Variants in TTN observed in about 807,000 individuals in gnomAD.
TTN encodes the protein connectin.
In TTN, 1,525 loss-of-function variants were observed where a neutral mutation model predicts 3,223.0. That is an observed-to-expected ratio of 0.47 (90% CI 0.45 to 0.49). The LOEUF (loss-of-function observed/expected upper bound fraction) is 0.49. Among genes scored for constraint, TTN ranks in the 20% least tolerant of loss-of-function variants. The pLI is 0.00. For synonymous variants in TTN, 14,094 were observed against 15,161.0 expected (o/e 0.93, Z 5.17); for missense variants, 40,786 against 43,424.0 (o/e 0.94, Z 5.40).
In TTN at chr2:178,731,758, T is replaced by C. The variant is rs1176874608; in HGVS notation, c.17117A>G (p.Glu5706Gly). 6.2e-7 allele frequency: 1 copy of C among 1,613,784 alleles called. No individual in the cohort carries two copies. The highest frequency in any genetic ancestry group is 1.1e-5 in the South Asian group (1 of 91,068). ...CTCATTGGTCACCCGACACTGGTATTCGCCAGCATCTGCAGCTACAAACTT... is the reference window on the plus strand; with the variant it reads ...CTCATTGGTCACCCGACACTGGTATCCGCCAGCATCTGCAGCTACAAACTT... ...ILKFVAADAG[E>G]YQCRVTNEVG... The change falls in exon 58 of 363, where the codon GAA becomes GGA. Residue 5706 changes from glutamate (E) to glycine (G), a missense_variant. By Grantham distance (98) the Glu-to-Gly change is moderately conservative. Coordinates refer to ENST00000589042, the MANE Select transcript of TTN (RefSeq NM_001267550.2).
intron 237 of TTN, 33 bp downstream of exon 237, chr2:178,631,001 C>T: frequency 6.2e-7 from 1 of 1,612,376 alleles, no homozygotes; most frequent in Non-Finnish European, 8.5e-7. Context: ...AACCCCAATG[C>T]TTCAAGAGTG....
Position 178,558,181 on chromosome 2 carries a change from G to A in TTN, c.87173C>T (p.Ala29058Val), listed in dbSNP as rs768069933. Residue 29058 changes from alanine to valine, a missense_variant, in exon 328 of 363, where the codon GCT becomes GTT. By Grantham distance (64) the Ala-to-Val change is moderately conservative (BLOSUM62 0). Transcript: ENST00000589042. ...NFPSHTVYVR[A>V]GSNLKVDIPI... is the part of the protein sequence containing the mutation. ...AATGTCAACTTTAAGGTTTGAACCA[G>A]CTCTAACATATACAGTGTGACTTGG... 2 of 1,613,682 alleles carry A rather than the reference G, an allele frequency of 1.2e-6. No homozygotes were observed. Among genetic ancestry groups the A allele is most frequent in the East Asian group, 2.2e-5 (1 of 44,836 alleles).
In TTN at chr2:178,567,128, G is replaced by C; in HGVS notation, c.79004C>G (p.Thr26335Ser). The C allele has an allele frequency of 1.2e-6, 2 of 1,613,536 alleles. No individual in the cohort carries two copies. Among genetic ancestry groups the C allele is most frequent in the South Asian group, 2.2e-5 (2 of 91,076 alleles). The change falls in exon 326 of 363, where the codon ACT (threonine) becomes AGT (serine). Residue 26335 changes from threonine to serine, a missense_variant. By Grantham distance (58) the Thr-to-Ser change is moderately conservative (BLOSUM62 1). Transcript: ENST00000589042. ...EKRETSRLAW[T>S]VVASEVVTNS... The stretch of plus-strand genomic sequence containing the variant: ...GGTCACAACTTCTGAAGCAACAACA[G>C]TCCAGGCAAGTCGACTGGTTTCTCG...
intron 47 of TTN, chr2:178,749,165 T>C (rs1367535780): frequency 6.2e-7 from 1 of 1,611,956 alleles, no homozygotes; most frequent in South Asian, 1.1e-5. Flanking sequence ...TTGGGCACAT[T>C]CTTGTACATT....
intron 1 of TTN, among the ~76,000 whole-genome samples, chr2:178,806,418 T>C (rs1422067012): frequency 1.3e-5 from 2 of 152,342 alleles, no homozygotes; most frequent in Non-Finnish European, 2.9e-5. Flanking sequence ...GTAAGAAACC[T>C]TTCCTTTAAA....
Position 178,552,549 on chromosome 2 carries a change from A to G in TTN, c.90351T>C (p.Ile30117=). ...TAAGTTCTTTCACTGTAATTGGCCC[A>G]ATAGTGACAGGATCACTCAGTCCTT... is the stretch of plus-strand genomic sequence containing the variant. The part of the protein sequence containing the change: ...NEKGLSDPVT[I]GPITVKELII... Residue 30117 remains isoleucine (I), a synonymous_variant, in exon 335 of 363, where the codon ATT becomes ATC. Coordinates refer to ENST00000589042, the MANE Select transcript of TTN (RefSeq NM_001267550.2). The G allele has an allele frequency of 1.2e-6, 2 of 1,613,850 alleles. No individual in the cohort carries two copies. The highest frequency in any genetic ancestry group is 1.7e-6 in the Non-Finnish European group (2 of 1,179,824).
intron 40 of TTN, 55 bp from the exon 41 acceptor site, chr2:178,766,667 G>T: frequency 7.2e-7 from 1 of 1,397,610 alleles, no homozygotes; most frequent in Non-Finnish European, 1.0e-6. Flanking sequence ...TTGAAGCTCT[G>T]GTTTCCTCCC....
intron 136 of TTN, 78 bp from the exon 137 acceptor site, chr2:178,681,528 A>C (rs1408227496): frequency 6.8e-7 from 1 of 1,475,758 alleles, no homozygotes; most frequent in Non-Finnish European, 9.2e-7. Context: ...AAGTTAAGAA[A>C]GACAAATACA....
rs567561028 is a variant in TTN at position 178,572,173 on chromosome 2, C to T, written c.73959G>A (p.Val24653=). 1 of 1,613,436 alleles carries T rather than the reference C, an allele frequency of 6.2e-7. No individual in the cohort carries two copies. The highest frequency in any genetic ancestry group is 1.1e-5 in the South Asian group (1 of 91,068). The change falls in exon 326 of 363, where the codon GTG becomes GTA. Residue 24653 remains valine (V), a synonymous_variant. Coordinates refer to ENST00000589042, the MANE Select transcript of TTN (RefSeq NM_001267550.2). ...TGTCACTGCCTTTGGTCTGCATCTCCACAATGTAGCCTAGAATTCGGCTGC... is the reference window on the plus strand; with the variant it reads ...TGTCACTGCCTTTGGTCTGCATCTCTACAATGTAGCCTAGAATTCGGCTGC... ...DGGSRILGYI[V]EMQTKGSDKW...
Position 178,725,868 on chromosome 2 carries a change from A to G in TTN, c.20454T>C (p.Ile6818=), listed in dbSNP as rs2079252200. 1 of 1,613,280 alleles carries G rather than the reference A, an allele frequency of 6.2e-7. No individual in the cohort carries two copies. The change falls in exon 70 of 363, where the codon ATT becomes ATC. Residue 6818 remains isoleucine, a synonymous_variant. Transcript: ENST00000589042. ...CTGAAGTGTCCACATTGAGAATGTG[A>G]ATACTTGTGTGGAAGTTTTTGGATG... ...KIASKNFHTS[I]HILNVDTSDI... is the part of the protein sequence containing the mutation.
chr2:178,526,898 T>C lies in TTN; in HGVS notation c.*114A>G. ...ATTTTTGAACTTTGACTCATTTAGG[T>C]TGATACAAAACTACTTTTTTTTCTT... On this transcript the variant is annotated 3_prime_UTR_variant, in exon 363 of 363. Coordinates refer to ENST00000589042, the MANE Select transcript of TTN (RefSeq NM_001267550.2). 1.0e-6 allele frequency: 1 copy of C among 974,550 alleles called. No homozygotes were observed. Among genetic ancestry groups the C allele is most frequent in the South Asian group, 2.0e-5 (1 of 49,030 alleles). The allele number at this position is 974,550 out of a possible 1,614,324, so 60.4% of individuals were successfully genotyped here.
intron 165 of TTN, 78 bp downstream of exon 165, chr2:178,665,299 A>G: frequency 7.9e-7 from 1 of 1,268,834 alleles, no homozygotes; most frequent in Non-Finnish European, 1.1e-6. Flanking sequence ...ATTTATGAAG[A>G]GTATTAGGAA....
In TTN at chr2:178,799,674, C is replaced by T. The variant is rs765416228; in HGVS notation, c.727G>A (p.Gly243Ser). The change falls in exon 6 of 363, where the codon GGT becomes AGT. Residue 243 changes from glycine (G) to serine (S), a missense_variant. Coordinates refer to ENST00000589042, the MANE Select transcript of TTN (RefSeq NM_001267550.2). ...SIATVEMVIDGAAGQQLPHKT... is the reference protein window; with the variant it reads ...SIATVEMVIDSAAGQQLPHKT... ...TGTGGCAGCTGTTGCCCAGCGGCACCATCTATGACCATCTCAACTGTTGCA... is the reference window on the plus strand; with the variant it reads ...TGTGGCAGCTGTTGCCCAGCGGCACTATCTATGACCATCTCAACTGTTGCA... 1.9e-6 allele frequency: 3 copies of T among 1,614,100 alleles called. No homozygotes were observed. The highest frequency in any genetic ancestry group is 1.1e-5 in the South Asian group (1 of 91,074).
At position 178,730,844 on chromosome 2, in the gene TTN, G is replaced by GT. The variant is rs1251364398; in HGVS notation, c.17741-53dup. 6.6e-6 allele frequency: 10 copies of GT among 1,523,584 alleles called. No homozygotes were observed. The Admixed American group carries it at 9.1e-5, about 14-fold the overall frequency. The allele number at this position is 1,523,584 out of a possible 1,614,324, so 94.4% of individuals were successfully genotyped here. ...CAAAAAAAGGTCAATCTACTAATTTGTTTTTGTTTTTTTTTTTAAATTTTA... is the reference window on the plus strand; with the variant it reads ...CAAAAAAAGGTCAATCTACTAATTTGTTTTTTGTTTTTTTTTTTAAATTTTA... On this transcript the variant is annotated intron_variant, in intron 60 of 362. Transcript: ENST00000589042.
rs796650937 is a variant in TTN, at chr2:178,634,769, G to A, written c.42105C>T (p.Leu14035=). The change falls in exon 229 of 363, where the codon CTC becomes CTT. Residue 14035 remains leucine (L), a synonymous_variant. Transcript: ENST00000589042. This position sits in a 1 kb window ranked among gnomAD's most constrained non-coding sequence, Gnocchi z 4.6. ...KVKLDQAGEV[L]YQALNAITTA... ...TTGTAATTGCATTAAGGGCCTGGTA[G>A]AGGACTTCACCAGCTTGGTCCAGTT... 1.2e-6 allele frequency: 2 copies of A among 1,613,214 alleles called. No homozygotes were observed. Among genetic ancestry groups the A allele is most frequent in the Non-Finnish European group, 1.7e-6 (2 of 1,179,454 alleles).
rs376942948 is a variant in TTN, at chr2:178,548,519, A to G, written c.93107T>C (p.Met31036Thr). 35 of 1,613,838 alleles carry G rather than the reference A, an allele frequency of 2.2e-5. No homozygotes were observed. Among genetic ancestry groups the G allele is most frequent in the East Asian group, 1.6e-4 (7 of 44,872 alleles). Residue 31036 changes from methionine to threonine, a missense_variant, in exon 339 of 363, where the codon ATG (methionine) becomes ACG (threonine). Physicochemically the swap from Met to Thr is moderately conservative, Grantham distance 81. Transcript: ENST00000589042. This position sits in a 1 kb window ranked among gnomAD's most constrained non-coding sequence, Gnocchi z 4.3. The stretch of plus-strand genomic sequence containing the variant: ...ACCGTCAAGAAGAGGGGCATCCCAC[A>G]TCAATGTAGCAGATCCCCGGGTCAC... ...KDVTRGSATL[M>T]WDAPLLDGGA...
In TTN at chr2:178,777,480, T is replaced by A; in HGVS notation, c.4585A>T (p.Thr1529Ser). Reference protein sequence around the residue: ...PATPSDSGEWTVVAQNRAGRS... With the variant: ...PATPSDSGEWSVVAQNRAGRS... Reference sequence around the variant, plus strand: ...CCTGCCCTGTTTTGGGCAACCACAGTCCATTCCCCAGAATCACTGGGTGTG... The same window carrying A: ...CCTGCCCTGTTTTGGGCAACCACAGACCATTCCCCAGAATCACTGGGTGTG... Residue 1529 changes from threonine (T) to serine (S), a missense_variant, in exon 26 of 363, where the codon ACT (threonine) becomes TCT (serine). Coordinates refer to ENST00000589042, the MANE Select transcript of TTN (RefSeq NM_001267550.2). 1.2e-6 allele frequency: 2 copies of A among 1,613,982 alleles called. No individual in the cohort carries two copies. Among genetic ancestry groups the A allele is most frequent in the Non-Finnish European group, 8.5e-7 (1 of 1,179,958 alleles).
rs746139438 is a variant in TTN at position 178,547,419 on chromosome 2, C to T, written c.94207G>A (p.Glu31403Lys). 4 of 1,598,290 alleles carry T rather than the reference C, an allele frequency of 2.5e-6. No homozygotes were observed. Among genetic ancestry groups the T allele is most frequent in the Non-Finnish European group, 3.4e-6 (4 of 1,170,128 alleles). Reference sequence around the variant, plus strand: ...TTATTTTTCTTACCAAATGGATGTTCAGCAATTATTGGTGCTGATTCTAGA... The same window carrying T: ...TTATTTTTCTTACCAAATGGATGTTTAGCAATTATTGGTGCTGATTCTAGA... ...KPLESAPIIA[E>K]HPFVPPSAPT... is the part of the protein sequence containing the mutation. Residue 31403 changes from glutamate (E) to lysine (K), a missense_variant, in exon 339 of 363, where the codon GAA becomes AAA. Glu to Lys is a moderately conservative substitution (Grantham distance 56). Transcript: ENST00000589042.
chr2:178,792,224 T>G, intron 9 of TTN, 27 bp from the exon 10 acceptor site: 2 of 1,591,448 alleles, frequency 1.3e-6, no homozygotes, highest in South Asian at 1.2e-5. Flanking sequence ...AAGAAAAAAC[T>G]TTATTTCCTG....
Sources: gnomAD v4.1 joint callset for allele counts (sites outside exome capture counted in the v4.1 genomes callset) on GRCh38, gnomAD v4.1.1 for gene constraint, Gnocchi (gnomAD v3.1) non-coding constraint, MANE v1.5 for transcripts, NCBI Gene and HGNC (gene_info 2026-07-23, HGNC 2026-07-21) for gene names.